The following PDIA5 variants were observed in gnomAD, a reference collection of about 807,000 sequenced individuals.
PDIA5 encodes the protein protein disulfide isomerase family A member 5.
PDIA5 carries 58 observed loss-of-function variants against 77.6 expected under a neutral mutation model. The ratio of observed to expected loss-of-function variants is 0.75; its 90% CI spans 0.61 to 0.93. The LOEUF (loss-of-function observed/expected upper bound fraction) is 0.93, where lower values mean the gene tolerates loss of function less well. Ranked by LOEUF, PDIA5 falls within the 40% of genes least tolerant of loss-of-function variation. The probability of loss-of-function intolerance (pLI) is 0.00; values close to 1 mark genes in which losing one functional copy is unlikely to be tolerated. For missense variants in PDIA5, 630 were observed against 647.7 expected (o/e 0.97, Z 0.30); for synonymous variants, 250 against 252.1 (o/e 0.99, Z 0.08).
chr3:123,067,841 G>T (rs1006824801), intron 1 of PDIA5, among the ~76,000 whole-genome samples: 10 of 152,212 alleles, frequency 6.6e-5, no homozygotes, highest in African/African-American at 2.4e-4. Context: ...TAATGTATCT[G>T]AGCTAGTTTC....
In PDIA5 at chr3:123,150,359, C is replaced by A. The variant is rs1935862812; in HGVS notation, c.1268C>A (p.Ala423Asp). The stretch of plus-strand genomic sequence containing the variant: ...AAACACACCTTGGTCATGTTCTACG[C>A]CCCTTGTAAGTAGCTTGGGTGCTCA... ...KKKHTLVMFYAPWCPHCKKVI... is the reference protein window; with the variant it reads ...KKKHTLVMFYDPWCPHCKKVI... Residue 423 changes from alanine to aspartate, a missense_variant, in exon 14 of 17, where the codon GCC (alanine) becomes GAC (aspartate). Ala to Asp is a moderately radical substitution (Grantham distance 126, BLOSUM62 -2). Transcript: ENST00000316218. 8 of 1,613,484 alleles carry A rather than the reference C, an allele frequency of 5.0e-6. No homozygotes were observed. The highest frequency in any genetic ancestry group is 6.8e-6 in the Non-Finnish European group (8 of 1,179,664).
At chr3:123,089,068 TG>T in intron 1 of PDIA5, 99 bp from the exon 2 acceptor site, 2 of 1,195,970 alleles carry the variant, frequency 1.7e-6, no homozygotes, top group Non-Finnish European at 2.4e-6. Flanking sequence ...CCTCATCCTC[TG>T]GAAGTAAAGC....
chr3:123,094,113 C>T (rs1934371614), intron 3 of PDIA5, among the ~76,000 whole-genome samples: 1 of 152,184 alleles, frequency 6.6e-6, no homozygotes, highest in South Asian at 2.1e-4. Context: ...CTGTGAATTT[C>T]GATGTGCTCA....
chr3:123,108,281 C>CTTT lies in PDIA5; in HGVS notation c.480+1455_480+1457dup, dbSNP rs1241360740. Among the ~76,000 whole-genome samples the CTTT allele has an allele frequency of 6.0e-5, 8 of 133,760 alleles. No homozygotes were observed. In the East Asian group the frequency reaches 1.4e-3, roughly 23 times the overall value. 87.8% of individuals were successfully genotyped at this position (133,760 alleles called of 152,430 possible). ...GCCAGTATTGTCATCTTGAAGATGT[C>CTTT]TTTTTTTTTTTTTTTTTGAGACAGA... On this transcript the variant is annotated intron_variant, in intron 6 of 16. Transcript: ENST00000316218.
chr3:123,121,029 G>T (rs3792366), intron 8 of PDIA5, among the ~76,000 whole-genome samples: 1 of 151,988 alleles, frequency 6.6e-6, no homozygotes, highest in Non-Finnish European at 1.5e-5. Context: ...GGAGCTCTCC[G>T]TCACTTCCTG....
intron 6 of PDIA5, among the ~76,000 whole-genome samples, 176 bp from the exon 7 acceptor site, chr3:123,110,768 G>A (rs1383542224): frequency 8.5e-5 from 13 of 152,106 alleles, no homozygotes; most frequent in Non-Finnish European, 1.5e-5. Context: ...CTGGCCTGCC[G>A]CGGCTCTGCC....
At chr3:123,072,910 T>TTGTGTGTGTGTGTGTGTGTGTGTGTGTG in intron 1 of PDIA5, among the ~76,000 whole-genome samples, 1 of 72,208 alleles carries the variant, frequency 1.4e-5, no homozygotes, top group African/African-American at 6.4e-5. Context: ...CTACCTCTCC[T>TTGTGTGTGTGTGTGTGTGTGTGTGTGTG]TCTGTGTGTG....
intron 13 of PDIA5, among the ~76,000 whole-genome samples, chr3:123,147,594 C>A (rs2107983956): frequency 1.3e-5 from 2 of 152,268 alleles, no homozygotes; most frequent in Middle Eastern, 3.4e-3. Context: ...TCAGGGGAGG[C>A]CTCTGGCAAG....
intron 1 of PDIA5, among the ~76,000 whole-genome samples, chr3:123,077,256 G>A (rs374798462): frequency 6.6e-6 from 1 of 152,060 alleles, no homozygotes; most frequent in East Asian, 1.9e-4. Flanking sequence ...TATAAAATGG[G>A]AATAATAAAA....
At chr3:123,091,016 A>G (rs889468318) in intron 2 of PDIA5, among the ~76,000 whole-genome samples, 14 of 152,024 alleles carry the variant, frequency 9.2e-5, no homozygotes, top group African/African-American at 2.9e-4. Context: ...CTCCCTTTCC[A>G]TGGCTAAAAT....
chr3:123,083,039 C>T (rs567966887), intron 1 of PDIA5, among the ~76,000 whole-genome samples: 8 of 152,238 alleles, frequency 5.3e-5, no homozygotes, highest in Non-Finnish European at 8.8e-5. Context: ...TACAAGAGCA[C>T]GGCAGGGGGT....
intron 1 of PDIA5, among the ~76,000 whole-genome samples, chr3:123,071,856 C>T (rs911373283): frequency 6.6e-6 from 1 of 152,154 alleles, no homozygotes; most frequent in Non-Finnish European, 1.5e-5. Flanking sequence ...AGCCCCGGTC[C>T]GTGTTTGGCT....
intron 5 of PDIA5, 27 bp downstream of exon 5, chr3:123,102,823 AAT>A (rs778976208): frequency 5.5e-5 from 85 of 1,533,350 alleles, no homozygotes; most frequent in Middle Eastern, 5.1e-4. Flanking sequence ...TGTTCTCAGC[AAT>A]GGTGGAGTCT....
At chr3:123,126,230 G>A (rs3792378) in intron 10 of PDIA5, among the ~76,000 whole-genome samples, 75,239 of 150,010 alleles carry the variant, frequency 0.5, 20,299 homozygotes, top group Non-Finnish European at 0.59. Flanking sequence ...CTCTCCTCTC[G>A]GCACACCCCA....
At position 123,124,316 on chromosome 3, in the gene PDIA5, C is replaced by T; in HGVS notation, c.746C>T (p.Ala249Val). The T allele has an allele frequency of 6.2e-7, 1 of 1,613,592 alleles. No individual in the cohort carries two copies. The highest frequency in any genetic ancestry group is 8.5e-7 in the Non-Finnish European group (1 of 1,179,484). ...CAGTATGACAACTATGGGTCCACAG[C>T]TGAGGACATTGTGGAGTGGCTGAAG... ...LFQYDNYGST[A>V]EDIVEWLKNP... Residue 249 changes from alanine to valine, a missense_variant, in exon 10 of 17, where the codon GCT (alanine) becomes GTT (valine). By Grantham distance (64) the Ala-to-Val change is moderately conservative. Transcript: ENST00000316218.
chr3:123,154,317 G>A (rs556610525), intron 14 of PDIA5, among the ~76,000 whole-genome samples: 31 of 152,262 alleles, frequency 2.0e-4, no homozygotes, highest in African/African-American at 6.0e-4. Flanking sequence ...GTGACTTCCC[G>A]TAGCTCCTCT....
At chr3:123,126,318 A>C (rs3792379) in intron 10 of PDIA5, among the ~76,000 whole-genome samples, 63,963 of 150,786 alleles carry the variant, frequency 0.42, 15,000 homozygotes, top group Admixed American at 0.53. Context: ...TGGGTACCCC[A>C]TCCCCACTTC....
chr3:123,068,037 G>T (rs1933624375), intron 1 of PDIA5, among the ~76,000 whole-genome samples: 1 of 152,130 alleles, frequency 6.6e-6, no homozygotes, highest in Admixed American at 6.5e-5. Context: ...GGTCGGAATG[G>T]GTGTGCCTGC....
At chr3:123,102,566 C>T in intron 4 of PDIA5, 72 bp downstream of exon 4, 1 of 1,194,092 alleles carries the variant, frequency 8.4e-7, no homozygotes, top group South Asian at 1.2e-5. Flanking sequence ...CAGCGAACAG[C>T]AATTTTTAGT....
Sources: allele counts gnomAD v4.1 joint callset (sites outside exome capture counted in the v4.1 genomes callset), GRCh38; gene constraint gnomAD v4.1.1; transcripts MANE v1.5; gene names NCBI Gene and HGNC (gene_info 2026-07-23, HGNC 2026-07-21).